The following GUCY2C variants were observed in gnomAD, a reference collection of about 807,000 sequenced individuals.
GUCY2C encodes the protein guanylyl cyclase C.
GUCY2C carries 118 observed loss-of-function variants against 131.1 expected under a neutral mutation model. That is an observed-to-expected ratio of 0.90 (90% confidence interval 0.78 to 1.05). The LOEUF is 1.05. Ranked by LOEUF, GUCY2C falls within the 50% of genes least tolerant of loss-of-function variation. The probability of loss-of-function intolerance (pLI) is 0.00; values close to 1 mark genes in which losing one functional copy is unlikely to be tolerated. For missense variants in GUCY2C, 1,161 were observed against 1,304.4 expected (o/e 0.89, Z 1.69); for synonymous variants, 452 against 457.8 (o/e 0.99, Z 0.16).
At position 14,643,665 on chromosome 12, in the gene GUCY2C, A is replaced by AC; in HGVS notation, c.1838dup (p.Arg614SerfsTer12). On this transcript the variant is annotated frameshift_variant, in exon 17 of 27. Transcript: ENST00000261170. LOFTEE classifies it high-confidence loss of function. ...CTACGCAGTTGGTAGATTTCAGACG[A>AC]CCATGGACTTCTGTCTTACTGGAGT... 6.2e-7 allele frequency: 1 copy of AC among 1,612,936 alleles called. No homozygotes were observed. The highest frequency in any genetic ancestry group is 1.7e-5 in the Admixed American group (1 of 60,022).
intron 12 of GUCY2C, among the ~76,000 whole-genome samples, chr12:14,654,799 G>T (rs1379597584): frequency 2.6e-5 from 4 of 152,116 alleles, no homozygotes; most frequent in Non-Finnish European, 1.5e-5. Context: ...GAAGATGAGA[G>T]ACAGAGGTGC....
intron 6 of GUCY2C, among the ~76,000 whole-genome samples, chr12:14,679,200 T>G (rs1948296919): frequency 1.3e-5 from 2 of 152,200 alleles, no homozygotes; most frequent in Non-Finnish European, 2.9e-5. Context: ...AAAATCAGGC[T>G]AGAGATCAGG....
In GUCY2C at chr12:14,613,155, G is replaced by T; in HGVS notation, c.3184C>A (p.Gln1062Lys). Reference protein sequence around the residue: ...SYKKGTLEYLQLNTTDKESTY... With the variant: ...SYKKGTLEYLKLNTTDKESTY... Reference sequence around the variant, plus strand: ...CTCTCCTTGTCTGTGGTATTCAGCTGCAAGTATTCCAGAGTGCCTTTTTTA... The same window carrying T: ...CTCTCCTTGTCTGTGGTATTCAGCTTCAAGTATTCCAGAGTGCCTTTTTTA... The change falls in exon 27 of 27, where the codon CAG (glutamine) becomes AAG (lysine). Residue 1062 changes from glutamine to lysine, a missense_variant. By Grantham distance (53) the Gln-to-Lys change is moderately conservative (BLOSUM62 1). Coordinates refer to ENST00000261170, the MANE Select transcript of GUCY2C (RefSeq NM_004963.4). This position sits in a 1 kb window ranked among gnomAD's most constrained non-coding sequence, Gnocchi z 4.9. 2.5e-6 allele frequency: 4 copies of T among 1,613,492 alleles called. No homozygotes were observed. The highest frequency in any genetic ancestry group is 3.4e-6 in the Non-Finnish European group (4 of 1,179,570).
At position 14,631,399 on chromosome 12, in the gene GUCY2C, AG is replaced by A. The variant is rs548238380; in HGVS notation, c.2158-2663del. Among the ~76,000 whole-genome samples the A allele has an allele frequency of 2.6e-3, 324 of 122,600 alleles. 3 individuals are homozygous for A. Among genetic ancestry groups the A allele is most frequent in the African/African-American group, 9.4e-3 (305 of 32,510 alleles). The allele number at this position is 122,600 out of a possible 152,430, so 80.4% of individuals were successfully genotyped here. ...CTCCCCCCTCCCCCTACCCCATAACAGTCCCCAGAGTGTGATGTTCCCCTTC... is the reference window on the plus strand; with the variant it reads ...CTCCCCCCTCCCCCTACCCCATAACATCCCCAGAGTGTGATGTTCCCCTTC... On this transcript the variant is annotated intron_variant, in intron 19 of 26. Transcript: ENST00000261170.
rs974403961 is a variant in GUCY2C at position 14,632,646 on chromosome 12, C to T, written c.2158-3909G>A. Among the ~76,000 whole-genome samples, 9 of 152,138 alleles carry T rather than the reference C, an allele frequency of 5.9e-5. No homozygotes were observed. The South Asian group carries it at 1.4e-3, about 24-fold the overall frequency. On this transcript the variant is annotated intron_variant, in intron 19 of 26. Coordinates refer to ENST00000261170, the MANE Select transcript of GUCY2C (RefSeq NM_004963.4). ...GTCTAGTAAGTATACCGCATGGACA[C>T]CTTGTTCATTGAGCTTATAAAAATT...
chr12:14,682,497 C>G (rs1948368033), intron 4 of GUCY2C, among the ~76,000 whole-genome samples: 5 of 152,180 alleles, frequency 3.3e-5, no homozygotes, highest in Admixed American at 3.3e-4. Flanking sequence ...TCAATTAAAC[C>G]TCTTTCCTTT....
At chr12:14,629,961 G>T (rs914378769) in intron 19 of GUCY2C, among the ~76,000 whole-genome samples, 2 of 152,074 alleles carry the variant, frequency 1.3e-5, no homozygotes, top group Non-Finnish European at 2.9e-5. Context: ...AAGGGCAGTG[G>T]TAGATTTTTA....
intron 18 of GUCY2C, among the ~76,000 whole-genome samples, 186 bp downstream of exon 18, chr12:14,640,896 C>A (rs970968730): frequency 2.6e-5 from 4 of 152,136 alleles, no homozygotes; most frequent in African/African-American, 4.8e-5. Context: ...TTGTCTTATG[C>A]TTTTCAGTGC....
At chr12:14,652,131 T>G (rs887156053) in intron 13 of GUCY2C, 101 bp from the exon 14 acceptor site, 1 of 498,466 alleles carries the variant, frequency 2.0e-6, no homozygotes, top group Non-Finnish European at 3.6e-6. Flanking sequence ...TATAAACTTT[T>G]GAGAGCAGTG....
intron 22 of GUCY2C, 104 bp from the exon 23 acceptor site, chr12:14,621,320 A>G: frequency 1.1e-6 from 1 of 944,344 alleles, no homozygotes; most frequent in South Asian, 1.5e-5. Flanking sequence ...ATTTGGGAAC[A>G]CAGTATGAGC....
At chr12:14,615,744 A>C (rs1259746492) in intron 25 of GUCY2C, among the ~76,000 whole-genome samples, 1 of 151,824 alleles carries the variant, frequency 6.6e-6, no homozygotes, top group Non-Finnish European at 1.5e-5. Flanking sequence ...TTTTGGGGTA[A>C]GTGTTCTTTG....
chr12:14,691,208 T>C (rs80089349), intron 1 of GUCY2C, among the ~76,000 whole-genome samples: 3 of 152,274 alleles, frequency 2.0e-5, no homozygotes, highest in Non-Finnish European at 4.4e-5. Context: ...TTCAGTAAGA[T>C]AGCTGATTGA....
At position 14,616,700 on chromosome 12, in the gene GUCY2C, G is replaced by A. The variant is rs929772524; in HGVS notation, c.2903C>T (p.Thr968Ile). 1.2e-6 allele frequency: 2 copies of A among 1,605,406 alleles called. No individual in the cohort carries two copies. Among genetic ancestry groups the A allele is most frequent in the Non-Finnish European group, 1.7e-6 (2 of 1,172,190 alleles). The change falls in exon 25 of 27, where the codon ACC becomes ATC. Residue 968 changes from threonine to isoleucine, a missense_variant. Coordinates refer to ENST00000261170, the MANE Select transcript of GUCY2C (RefSeq NM_004963.4). ...LPLRIHVSGS[T>I]IAILKRTECQ... ...CTCAGTTCTCTTCAGGATGGCTATGGTGGAGCCACTCACGTGAATTCTCAA... is the reference window on the plus strand; with the variant it reads ...CTCAGTTCTCTTCAGGATGGCTATGATGGAGCCACTCACGTGAATTCTCAA...
At chr12:14,624,538 T>G (rs1158577617) in intron 21 of GUCY2C, among the ~76,000 whole-genome samples, 1 of 152,224 alleles carries the variant, frequency 6.6e-6, no homozygotes, top group Non-Finnish European at 1.5e-5. Flanking sequence ...TTCAAATAAA[T>G]GTCTAAGTGA....
chr12:14,644,865 C>G (rs972199838), intron 16 of GUCY2C, among the ~76,000 whole-genome samples: 3 of 151,546 alleles, frequency 2.0e-5, no homozygotes, highest in Non-Finnish European at 2.9e-5. Context: ...CCTCAGCCTC[C>G]GAAAGTGCTG....
chr12:14,652,074 C>T lies in GUCY2C; in HGVS notation c.1534-44G>A, dbSNP rs767071941. The T allele has an allele frequency of 3.8e-6, 4 of 1,051,840 alleles. No individual in the cohort carries two copies. In the East Asian group the frequency reaches 9.5e-5, roughly 25 times the overall value. The allele number at this position is 1,051,840 out of a possible 1,614,324, so 65.2% of individuals were successfully genotyped here. A position where few individuals can be genotyped will look rare whatever the true frequency, so the allele number is the denominator to read the frequency against. ...TTTAGGAGACAGTGTTGTGGTGTAA[C>T]TCTTTACATGCATATTATAACAGTT... is the stretch of plus-strand genomic sequence containing the variant. On this transcript the variant is annotated intron_variant, in intron 13 of 26. Transcript: ENST00000261170.
At chr12:14,692,526 C>A (rs1948593109) in intron 1 of GUCY2C, among the ~76,000 whole-genome samples, 2 of 152,178 alleles carry the variant, frequency 1.3e-5, no homozygotes, top group African/African-American at 4.8e-5. Flanking sequence ...CATAACTCTT[C>A]AGCACCCTCA....
At chr12:14,691,250 A>C (rs1948570393) in intron 1 of GUCY2C, among the ~76,000 whole-genome samples, 1 of 152,196 alleles carries the variant, frequency 6.6e-6, no homozygotes, top group African/African-American at 2.4e-5. Context: ...GACTAGCCAA[A>C]TAGGAGACTT....
chr12:14,670,341 T>C (rs181039272), intron 9 of GUCY2C, among the ~76,000 whole-genome samples: 337 of 152,304 alleles, frequency 2.2e-3, no homozygotes, highest in African/African-American at 7.4e-3. Context: ...CATTACTTAA[T>C]TTTCTAATCT....
Sources: gnomAD v4.1 joint callset for allele counts (sites outside exome capture counted in the v4.1 genomes callset) on GRCh38, gnomAD v4.1.1 for gene constraint, Gnocchi (gnomAD v3.1) non-coding constraint, MANE v1.5 for transcripts, NCBI Gene and HGNC (gene_info 2026-07-23, HGNC 2026-07-21) for gene names.